Variants in CCSER1 observed in about 807,000 individuals in gnomAD.
The protein encoded by CCSER1 is serine-rich coiled-coil domain-containing protein 1.
In CCSER1, 41 loss-of-function variants were observed where a neutral mutation model predicts 82.0. That is an observed-to-expected ratio of 0.50 (90% CI 0.39 to 0.65). The LOEUF is 0.65. Ranked by LOEUF, CCSER1 falls within the 30% of genes least tolerant of loss-of-function variation. The pLI, the probability that CCSER1 is intolerant of heterozygous loss-of-function variation, is 0.00. For synonymous variants in CCSER1, 414 were observed against 383.9 expected (o/e 1.08, Z -0.92); for missense variants, 1,119 against 1,064.2 (o/e 1.05, Z -0.72).
intron 1 of CCSER1, among the ~76,000 whole-genome samples, chr4:90,179,338 T>C (rs1164122694): frequency 6.6e-6 from 1 of 152,208 alleles, no homozygotes; most frequent in African/African-American, 2.4e-5. Context: ...GTTATCTAAC[T>C]GCATGTCCTC....
intron 5 of CCSER1, among the ~76,000 whole-genome samples, chr4:90,534,838 C>G (rs1775115450): frequency 6.6e-6 from 1 of 152,118 alleles, no homozygotes; most frequent in Non-Finnish European, 1.5e-5. Context: ...TAGATTTCTT[C>G]TCATCAGCAT....
chr4:90,487,849 C>T, intron 5 of CCSER1, among the ~76,000 whole-genome samples: 1 of 152,226 alleles, frequency 6.6e-6, no homozygotes, highest in African/African-American at 2.4e-5. Context: ...ACCATGTTGG[C>T]CAGGCTGTTC....
At chr4:90,737,475 C>T (rs1411742022) in intron 7 of CCSER1, among the ~76,000 whole-genome samples, 2 of 152,140 alleles carry the variant, frequency 1.3e-5, no homozygotes, top group African/African-American at 4.8e-5. Context: ...ACTGAAAAGG[C>T]TGCTGCCATA....
chr4:91,054,711 T>TGG (rs1561507417), intron 9 of CCSER1, among the ~76,000 whole-genome samples: 7 of 150,648 alleles, frequency 4.6e-5, no homozygotes, highest in African/African-American at 7.3e-5. Flanking sequence ...GATTTTTTTT[T>TGG]GGGGCGGTGG....
At chr4:90,616,870 A>G (rs1432938753) in intron 5 of CCSER1, among the ~76,000 whole-genome samples, 1 of 152,174 alleles carries the variant, frequency 6.6e-6, no homozygotes, top group African/African-American at 2.4e-5. Flanking sequence ...TGGCTTTTAG[A>G]GTTTGGCTTA....
At chr4:91,207,531 C>CCATA (rs1453704778) in intron 10 of CCSER1, among the ~76,000 whole-genome samples, 1 of 151,798 alleles carries the variant, frequency 6.6e-6, no homozygotes, top group African/African-American at 2.4e-5. Flanking sequence ...GCCTCCAGTT[C>CCATA]CATACATGTT....
chr4:90,586,517 G>A lies in CCSER1; in HGVS notation c.1725-41508G>A, dbSNP rs1782038745. Among the ~76,000 whole-genome samples the A allele has an allele frequency of 2.0e-5, 3 of 152,048 alleles. 1 individual carries two copies. The highest frequency in any genetic ancestry group is 2.0e-4 in the Admixed American group (3 of 15,248). Reference sequence around the variant, plus strand: ...AGAAGATGCCAAAACTGGTTCAAAGGATTATTAAAAGTACTGAGATTAATA... The same window carrying A: ...AGAAGATGCCAAAACTGGTTCAAAGAATTATTAAAAGTACTGAGATTAATA... On this transcript the variant is annotated intron_variant, in intron 5 of 10. Transcript: ENST00000509176.
chr4:90,656,891 T>G (rs2149075405), intron 6 of CCSER1, among the ~76,000 whole-genome samples: 1 of 152,190 alleles, frequency 6.6e-6, no homozygotes, highest in African/African-American at 2.4e-5. Context: ...ACATGTAATT[T>G]TCTGTGTAAT....
intron 8 of CCSER1, among the ~76,000 whole-genome samples, chr4:90,894,689 C>T (rs1200436677): frequency 1.3e-5 from 2 of 151,830 alleles, no homozygotes; most frequent in Non-Finnish European, 2.9e-5. Flanking sequence ...CTCCTCTTTT[C>T]CCTTCTCTTC....
Position 91,054,562 on chromosome 4 carries a change from A to C in CCSER1, c.2173-31388A>C, listed in dbSNP as rs191328327. Among the ~76,000 whole-genome samples, 3 of 152,198 alleles carry C rather than the reference A, an allele frequency of 2.0e-5. No homozygotes were observed. The East Asian group carries it at 5.8e-4, about 29-fold the overall frequency. ...CTTTTGATTACTATTTGCATGGAAT[A>C]TCTTTTCCATTCTTTCACTTTCAAC... On this transcript the variant is annotated intron_variant, in intron 9 of 10. Coordinates refer to ENST00000509176, the MANE Select transcript of CCSER1 (RefSeq NM_001145065.2).
intron 6 of CCSER1, among the ~76,000 whole-genome samples, chr4:90,667,870 T>G: frequency 6.6e-6 from 1 of 152,166 alleles, no homozygotes; most frequent in African/African-American, 2.4e-5. Flanking sequence ...AATATTACAC[T>G]CTATGCAAGA....
At chr4:90,289,617 C>T (rs2153464926) in intron 1 of CCSER1, among the ~76,000 whole-genome samples, 1 of 151,924 alleles carries the variant, frequency 6.6e-6, no homozygotes, top group Non-Finnish European at 1.5e-5. Flanking sequence ...TAATTTGTAG[C>T]TCACATAGAT....
intron 3 of CCSER1, among the ~76,000 whole-genome samples, chr4:90,391,750 G>A (rs2153539077): frequency 6.6e-6 from 1 of 151,516 alleles, no homozygotes; most frequent in African/African-American, 2.4e-5. Context: ...AGTACACTTT[G>A]TTACTGAAAT....
intron 10 of CCSER1, among the ~76,000 whole-genome samples, chr4:91,308,825 A>AT (rs571330451): frequency 8.6e-5 from 13 of 151,988 alleles, no homozygotes; most frequent in Middle Eastern, 3.4e-3. Flanking sequence ...GGAGCCCTAG[A>AT]TTTTTTTTAA....
chr4:90,913,515 C>T (rs1457315835), intron 8 of CCSER1, among the ~76,000 whole-genome samples: 3 of 152,118 alleles, frequency 2.0e-5, no homozygotes, highest in Non-Finnish European at 4.4e-5. Flanking sequence ...AAGGAACAGC[C>T]AATACCAGCC....
chr4:91,464,911 C>T (rs775316535), intron 10 of CCSER1, among the ~76,000 whole-genome samples: 5 of 152,158 alleles, frequency 3.3e-5, no homozygotes, highest in African/African-American at 4.8e-5. Flanking sequence ...TAATGGGAGA[C>T]TTTAACATCC....
At chr4:90,514,031 G>A (rs867751502) in intron 5 of CCSER1, among the ~76,000 whole-genome samples, 10 of 152,158 alleles carry the variant, frequency 6.6e-5, no homozygotes, top group South Asian at 6.2e-4. Context: ...GTGACTTCAA[G>A]CAGGAGCCAG....
intron 7 of CCSER1, among the ~76,000 whole-genome samples, chr4:90,792,846 G>C (rs1377896356): frequency 1.3e-5 from 2 of 152,182 alleles, no homozygotes; most frequent in Non-Finnish European, 2.9e-5. Context: ...GGGGAATAGG[G>C]GCTGTCCCTA....
chr4:90,779,570 T>C (rs1753466724), intron 7 of CCSER1, among the ~76,000 whole-genome samples: 1 of 152,226 alleles, frequency 6.6e-6, no homozygotes, highest in Admixed American at 6.5e-5. Flanking sequence ...ATGTGTGTTA[T>C]GAGTTCAAGC....
Sources: allele counts gnomAD v4.1 joint callset (sites outside exome capture counted in the v4.1 genomes callset), GRCh38; gene constraint gnomAD v4.1.1; transcripts MANE v1.5; gene names NCBI Gene and HGNC (gene_info 2026-07-23, HGNC 2026-07-21).